RNF4: variants seen among roughly 807,000 people sequenced by gnomAD.
The protein encoded by RNF4 is ring finger protein 4.
RNF4 carries 7 observed loss-of-function variants against 24.3 expected under a neutral mutation model. The ratio of observed to expected loss-of-function variants is 0.29; its 90% confidence interval spans 0.16 to 0.54. The LOEUF (loss-of-function observed/expected upper bound fraction) is 0.54. RNF4 is among the 20% of genes least tolerant of loss of function. RNF4 has a pLI of 0.95. For synonymous variants in RNF4, 83 were observed against 84.3 expected (o/e 0.98, Z 0.09); for missense variants, 209 against 248.5 (o/e 0.84, Z 1.07).
At chr4:2,496,906 G>C in intron 2 of RNF4, 101 bp from the exon 3 acceptor site, 1 of 774,246 alleles carries the variant, frequency 1.3e-6, no homozygotes, top group South Asian at 1.9e-5. Context: ...CTACTCGCTG[G>C]CTTCTTAATG....
intron 4 of RNF4, among the ~76,000 whole-genome samples, chr4:2,510,067 C>T (rs1227676888): frequency 2.6e-5 from 4 of 152,148 alleles, no homozygotes; most frequent in Admixed American, 1.3e-4. Context: ...CCCTTTTCAC[C>T]GTCTGCAGTC....
chr4:2,502,843 CAA>C (rs61616696), intron 4 of RNF4, among the ~76,000 whole-genome samples: 1,355 of 130,728 alleles, frequency 0.01, 22 homozygotes, highest in African/African-American at 0.033. Context: ...GACTCTGTCT[CAA>C]AAAAAAAAAA....
intron 1 of RNF4, among the ~76,000 whole-genome samples, chr4:2,476,293 G>A (rs1735069522): frequency 6.6e-6 from 1 of 152,170 alleles, no homozygotes; most frequent in African/African-American, 2.4e-5. Context: ...ATGTCTTCCA[G>A]TGTTGGTTCT....
At chr4:2,484,341 A>G (rs913345263) in intron 1 of RNF4, among the ~76,000 whole-genome samples, 13 of 151,814 alleles carry the variant, frequency 8.6e-5, no homozygotes, top group Admixed American at 3.3e-4. Flanking sequence ...ATAGGAATAC[A>G]GTGGTATGAG....
intron 1 of RNF4, among the ~76,000 whole-genome samples, chr4:2,479,357 G>A (rs1735178347): frequency 6.6e-6 from 1 of 152,154 alleles, no homozygotes. Context: ...TAAAATGTGA[G>A]GACATAAGAT....
In RNF4 at chr4:2,512,044, G is replaced by C; in HGVS notation, c.214+79G>C. On this transcript the variant is annotated intron_variant, in intron 5 of 7. Coordinates refer to ENST00000314289, the MANE Select transcript of RNF4 (RefSeq NM_002938.5). This position sits in a 1 kb window ranked among gnomAD's most constrained non-coding sequence, Gnocchi z 4.1. ...TGAGAGCCGCGGTGCTGCAGGTCTT[G>C]CCAGACCATCCCCAAGGGCTTGGAG... 1.4e-6 allele frequency: 2 copies of C among 1,398,168 alleles called. No individual in the cohort carries two copies. The highest frequency in any genetic ancestry group is 2.8e-5 in the African/African-American group (2 of 70,412). The allele number at this position is 1,398,168 out of a possible 1,614,324, so 86.6% of individuals were successfully genotyped here. A position where few individuals can be genotyped will look rare whatever the true frequency, so the allele number is the denominator to read the frequency against.
chr4:2,500,603 A>G, intron 3 of RNF4, 56 bp from the exon 4 acceptor site: 1 of 1,568,144 alleles, frequency 6.4e-7, no homozygotes, highest in Non-Finnish European at 8.7e-7. Context: ...GTGTAGAGGG[A>G]TACAACCTTA....
intron 7 of RNF4, 57 bp downstream of exon 7, chr4:2,513,188 A>T: frequency 6.6e-7 from 1 of 1,511,398 alleles, no homozygotes; most frequent in South Asian, 1.1e-5. Context: ...CACTGAAAGA[A>T]TTGGATGAGA....
At chr4:2,500,173 A>G (rs1560410004) in intron 3 of RNF4, among the ~76,000 whole-genome samples, 1 of 151,952 alleles carries the variant, frequency 6.6e-6, no homozygotes, top group Non-Finnish European at 1.5e-5. Flanking sequence ...AAAAAAAAAA[A>G]AAAAGAATTT....
Position 2,497,066 on chromosome 4 carries a change from A to C in RNF4, c.69A>C (p.Ala23=). 2 of 1,609,934 alleles carry C rather than the reference A, an allele frequency of 1.2e-6. No individual in the cohort carries two copies. The highest frequency in any genetic ancestry group is 1.7e-6 in the Non-Finnish European group (2 of 1,178,248). The part of the protein sequence containing the change: ...SRQAQKRTRE[A]TSTPEISLEA... ...AAGCTCAGAAGCGAACTCGGGAAGC[A>C]ACCTCCACCCCCGAGATCTCCTTGG... The change falls in exon 3 of 8, where the codon GCA becomes GCC. Residue 23 remains alanine, a synonymous_variant. Coordinates refer to ENST00000314289, the MANE Select transcript of RNF4 (RefSeq NM_002938.5).
intron 3 of RNF4, among the ~76,000 whole-genome samples, chr4:2,498,994 C>T (rs577844226): frequency 6.6e-6 from 1 of 152,270 alleles, no homozygotes; most frequent in Admixed American, 6.5e-5. Context: ...GTCAGGAGTT[C>T]AAGACCAGCC....
chr4:2,505,608 A>G (rs983978105), intron 4 of RNF4: 8 of 150,406 alleles, frequency 5.3e-5, no homozygotes, highest in South Asian at 4.3e-4. Flanking sequence ...TATAGGTGTG[A>G]GCCACCGCGC....
At chr4:2,507,144 A>G (rs1736127730) in intron 4 of RNF4, among the ~76,000 whole-genome samples, 2 of 144,312 alleles carry the variant, frequency 1.4e-5, no homozygotes, top group Non-Finnish European at 3.1e-5. Flanking sequence ...CTGGTTTTCC[A>G]TTTATGAGAC....
intron 1 of RNF4, among the ~76,000 whole-genome samples, chr4:2,471,731 A>G (rs1157364783): frequency 6.6e-5 from 10 of 152,244 alleles, no homozygotes; most frequent in African/African-American, 2.2e-4. Context: ...AGTGGTCTGG[A>G]TAGAAGATCA....
intron 2 of RNF4, among the ~76,000 whole-genome samples, chr4:2,493,521 A>T (rs1470575160): frequency 6.6e-6 from 1 of 151,912 alleles, no homozygotes; most frequent in Non-Finnish European, 1.5e-5. Context: ...GGCATGGTGG[A>T]TCACAAGGTC....
At position 2,495,644 on chromosome 4, in the gene RNF4, G is replaced by GGT. The variant is rs992802597; in HGVS notation, c.10-1362_10-1361insTG. ...TTGGGAAGCTCTTTTTTTTTTGGGG[G>GGT]GGGGTGAGATGGAGATTTACTCTTG... is the stretch of plus-strand genomic sequence containing the variant. On this transcript the variant is annotated intron_variant, in intron 2 of 7. Coordinates refer to ENST00000314289, the MANE Select transcript of RNF4 (RefSeq NM_002938.5). 4.7e-5 allele frequency among the ~76,000 whole-genome samples: 7 copies of GGT among 148,666 alleles called. 2 individuals carry two copies. The highest frequency in any genetic ancestry group is 1.0e-4 in the Non-Finnish European group (7 of 66,940).
chr4:2,479,979 G>A (rs1407096505), intron 1 of RNF4: 1 of 152,130 alleles, frequency 6.6e-6, no homozygotes, highest in East Asian at 1.9e-4. Flanking sequence ...GCCCAGGCTG[G>A]AGTGCAGTAG....
chr4:2,475,619 T>C (rs1193879240), intron 1 of RNF4, among the ~76,000 whole-genome samples: 1 of 152,224 alleles, frequency 6.6e-6, no homozygotes, highest in Non-Finnish European at 1.5e-5. Context: ...ATTACAGGCG[T>C]GAGCCACCTC....
intron 4 of RNF4, among the ~76,000 whole-genome samples, chr4:2,508,584 GTTTTGTTTTGTTTTGTTTTTTGT>G (rs949805783): frequency 1.3e-5 from 2 of 151,748 alleles, no homozygotes; most frequent in African/African-American, 2.4e-5. Context: ...TTTGGTTTTT[GTTTTGTTTTGTTTTGTTTTTTGT>G]TTTTGTTTTG....
Sources: allele counts gnomAD v4.1 joint callset (sites outside exome capture counted in the v4.1 genomes callset), GRCh38; gene constraint gnomAD v4.1.1; non-coding constraint Gnocchi (gnomAD v3.1); transcripts MANE v1.5; gene names NCBI Gene and HGNC (gene_info 2026-07-23, HGNC 2026-07-21).